Variants in PALLD observed in about 807,000 individuals in gnomAD.
The protein encoded by PALLD is palladin, cytoskeletal associated protein, also known as palladin.
PALLD carries 61 observed loss-of-function variants against 123.5 expected under a neutral mutation model. The ratio of observed to expected loss-of-function variants is 0.49; its 90% CI spans 0.40 to 0.61. The LOEUF is 0.61. PALLD is among the 20% of genes least tolerant of loss of function. The probability of loss-of-function intolerance (pLI) is 0.00; values close to 1 mark genes in which losing one functional copy is unlikely to be tolerated. For synonymous variants in PALLD, 465 were observed against 496.4 expected (o/e 0.94, Z 0.84); for missense variants, 1,273 against 1,377.0 (o/e 0.92, Z 1.20).
At chr4:168,840,568 A>G (rs945259119) in intron 10 of PALLD, among the ~76,000 whole-genome samples, 1 of 152,288 alleles carries the variant, frequency 6.6e-6, no homozygotes. Context: ...CAGAGGTGTG[A>G]AGCTGCCAGA....
chr4:168,631,409 C>G (rs766397302), intron 2 of PALLD, among the ~76,000 whole-genome samples: 50 of 152,226 alleles, frequency 3.3e-4, no homozygotes, highest in Non-Finnish European at 5.3e-4. Flanking sequence ...TAGAAATCGC[C>G]GGTGGAACTT....
Position 168,628,690 on chromosome 4 carries a change from C to A in PALLD, c.909-39500C>A, listed in dbSNP as rs558290446. The stretch of plus-strand genomic sequence containing the variant: ...TTAAATTAAAATTCCCCACTGACAT[C>A]CCCAACCCCCATTATCTTGCTCAGT... On this transcript the variant is annotated intron_variant, in intron 2 of 21. Coordinates refer to ENST00000505667, the MANE Select transcript of PALLD (RefSeq NM_001166108.2). 3.2e-4 allele frequency among the ~76,000 whole-genome samples: 48 copies of A among 152,284 alleles called. 1 individual carries two copies. The South Asian group carries it at 9.1e-3, about 29-fold the overall frequency.
chr4:168,542,717 CATATATATATATAT>C (rs70961531), intron 2 of PALLD, among the ~76,000 whole-genome samples: 1,140 of 88,912 alleles, frequency 0.013, 43 homozygotes, highest in African/African-American at 0.049. Flanking sequence ...CTAACCTTTC[CATATATATATATAT>C]ATATATATAT....
intron 2 of PALLD, among the ~76,000 whole-genome samples, chr4:168,537,049 TCTC>T (rs574135841): frequency 2.0e-5 from 3 of 152,106 alleles, no homozygotes; most frequent in African/African-American, 4.8e-5. Context: ...GATGGTCTGA[TCTC>T]CTGACCTTGT....
In PALLD at chr4:168,711,807, C is replaced by T. The variant is rs1784863985; in HGVS notation, c.1848C>T (p.Ser616=). Residue 616 remains serine, a synonymous_variant, in exon 10 of 22, where the codon AGC becomes AGT. Coordinates refer to ENST00000505667, the MANE Select transcript of PALLD (RefSeq NM_001166108.2). ...AERETNGVHP[S]RGVNGLINGK... ...GGGAAACGAACGGAGTCCATCCCAG[C>T]CGTGGAGTAAATGGACTGATTAACG... The T allele has an allele frequency of 8.7e-6, 14 of 1,614,094 alleles. No individual in the cohort carries two copies. Among genetic ancestry groups the T allele is most frequent in the Admixed American group, 1.7e-5 (1 of 60,006 alleles).
intron 2 of PALLD, among the ~76,000 whole-genome samples, chr4:168,528,974 G>A (rs1218822656): frequency 6.6e-6 from 1 of 152,076 alleles, no homozygotes; most frequent in African/African-American, 2.4e-5. Flanking sequence ...TAGGAGTCAC[G>A]CCAAAAGGAA....
intron 10 of PALLD, among the ~76,000 whole-genome samples, chr4:168,764,131 A>G (rs2150460520): frequency 1.3e-5 from 2 of 152,306 alleles, no homozygotes; most frequent in South Asian, 4.1e-4. Flanking sequence ...TACTTACTAT[A>G]TGTCTTCTTA....
chr4:168,668,134 A>G, intron 2 of PALLD, 56 bp from the exon 3 acceptor site: 2 of 1,378,490 alleles, frequency 1.5e-6, no homozygotes, highest in East Asian at 2.3e-5. Flanking sequence ...TATTGTTTTA[A>G]ACATCACCAT....
intron 8 of PALLD, among the ~76,000 whole-genome samples, chr4:168,694,539 T>C (rs1360175595): frequency 6.6e-6 from 1 of 151,922 alleles, no homozygotes; most frequent in Middle Eastern, 3.4e-3. Context: ...TTCTTTACTC[T>C]TCTCTTTACT....
intron 10 of PALLD, chr4:168,832,912 C>A (rs1183665297): frequency 6.6e-6 from 1 of 152,230 alleles, no homozygotes; most frequent in Non-Finnish European, 1.5e-5. Context: ...GGGCGCGGGC[C>A]GAACCCGAAC....
At chr4:168,805,722 C>A (rs1299569954) in intron 10 of PALLD, among the ~76,000 whole-genome samples, 1 of 152,156 alleles carries the variant, frequency 6.6e-6, no homozygotes, top group Admixed American at 6.5e-5. Context: ...TTGGCCTTAC[C>A]TGTTTTACCT....
intron 10 of PALLD, among the ~76,000 whole-genome samples, chr4:168,789,322 C>A (rs58842975): frequency 0.023 from 3,427 of 152,206 alleles, 124 homozygotes; most frequent in African/African-American, 0.078. Flanking sequence ...AAAATGTTAA[C>A]CAGTGTATTT....
rs1771048755 is a variant in PALLD at position 168,588,309 on chromosome 4, G to C, written c.908+75897G>C. Reference sequence around the variant, plus strand: ...AAATGTTGAAGAAATGTGGGGTTGGGAAAGAGAGGAGCACCTTAAAGAAGA... The same window carrying C: ...AAATGTTGAAGAAATGTGGGGTTGGCAAAGAGAGGAGCACCTTAAAGAAGA... On this transcript the variant is annotated intron_variant, in intron 2 of 21. Coordinates refer to ENST00000505667, the MANE Select transcript of PALLD (RefSeq NM_001166108.2). 3.3e-5 allele frequency among the ~76,000 whole-genome samples: 5 copies of C among 152,304 alleles called. No homozygotes were observed. In the South Asian group the frequency reaches 8.3e-4, roughly 25 times the overall value.
intron 10 of PALLD, among the ~76,000 whole-genome samples, chr4:168,784,268 G>A (rs1736360050): frequency 6.6e-6 from 1 of 152,002 alleles, no homozygotes; most frequent in Admixed American, 6.6e-5. Context: ...AGGAATTCAA[G>A]GCTGCAGTAA....
intron 10 of PALLD, among the ~76,000 whole-genome samples, chr4:168,865,553 T>G (rs1750142401): frequency 6.6e-6 from 1 of 152,216 alleles, no homozygotes; most frequent in African/African-American, 2.4e-5. Flanking sequence ...AAAATGTTAT[T>G]GGCAACATTA....
chr4:168,525,277 A>T (rs570757204), intron 2 of PALLD, among the ~76,000 whole-genome samples: 1 of 152,366 alleles, frequency 6.6e-6, no homozygotes, highest in South Asian at 2.1e-4. Flanking sequence ...TACGAAATAA[A>T]TAATTTTAAC....
At chr4:168,520,024 T>G (rs1763373188) in intron 2 of PALLD, among the ~76,000 whole-genome samples, 1 of 152,036 alleles carries the variant, frequency 6.6e-6, no homozygotes, top group Admixed American at 6.6e-5. Context: ...CAAAAGAAAT[T>G]CATAAGAGAA....
intron 10 of PALLD, among the ~76,000 whole-genome samples, chr4:168,739,438 A>G (rs80006742): frequency 0.013 from 1,969 of 152,330 alleles, 42 homozygotes; most frequent in African/African-American, 0.045. Flanking sequence ...GGAGGAAGAT[A>G]AAGAGAGCTT....
chr4:168,695,490 A>G (rs143087957), intron 8 of PALLD, among the ~76,000 whole-genome samples: 2,629 of 152,336 alleles, frequency 0.017, 88 homozygotes, highest in South Asian at 0.14. Flanking sequence ...TTTGACAGAT[A>G]TGACACAATG....
Sources: allele counts gnomAD v4.1 joint callset (sites outside exome capture counted in the v4.1 genomes callset), GRCh38; gene constraint gnomAD v4.1.1; transcripts MANE v1.5; gene names NCBI Gene and HGNC (gene_info 2026-07-23, HGNC 2026-07-21).